Variants in TEP1 observed in about 807,000 individuals in gnomAD.
TEP1 encodes the protein telomerase protein component 1.
A neutral mutation model predicts 306.3 loss-of-function variants in TEP1; 241 were observed. The observed-to-expected ratio is 0.79, with a 90% CI of 0.71 to 0.88. The LOEUF is 0.88. TEP1 is among the 40% of genes least tolerant of loss of function. The probability of loss-of-function intolerance (pLI) is 0.00; values close to 1 mark genes in which losing one functional copy is unlikely to be tolerated. For synonymous variants in TEP1, 1,289 were observed against 1,305.5 expected (o/e 0.99, Z 0.27); for missense variants, 3,051 against 3,276.1 (o/e 0.93, Z 1.68).
chr14:20,399,632 TAAAAAAAAAAAAAA>T (rs71416944), intron 9 of TEP1, among the ~76,000 whole-genome samples: 2 of 78,612 alleles, frequency 2.5e-5, no homozygotes, highest in Non-Finnish European at 4.5e-5. Context: ...CCCTGTTTCT[TAAAAAAAAAAAAAA>T]AAAAAAAAAA....
intron 1 of TEP1, among the ~76,000 whole-genome samples, chr14:20,409,327 C>T (rs897229264): frequency 6.6e-6 from 1 of 152,208 alleles, no homozygotes; most frequent in African/African-American, 2.4e-5. Context: ...CATTTCTTAA[C>T]ATCAATGCTC....
In TEP1 at chr14:20,386,143, T is replaced by C. The variant is rs894421662; in HGVS notation, c.2914A>G (p.Ile972Val). Residue 972 changes from isoleucine to valine, a missense_variant, in exon 20 of 55, where the codon ATT becomes GTT. Physicochemically the swap from Ile to Val is conservative, Grantham distance 29. Coordinates refer to ENST00000262715, the MANE Select transcript of TEP1 (RefSeq NM_007110.5). ...ATGTATCCATAACGGGAGCCCAGAATCCCCACAAACAGCTGTGCGTTCTCC... is the reference window on the plus strand; with the variant it reads ...ATGTATCCATAACGGGAGCCCAGAACCCCCACAAACAGCTGTGCGTTCTCC... ...EVENAQLFVGILGSRYGYIPP... is the reference protein window; with the variant it reads ...EVENAQLFVGVLGSRYGYIPP... 3.1e-6 allele frequency: 5 copies of C among 1,613,334 alleles called. No individual in the cohort carries two copies. The highest frequency in any genetic ancestry group is 4.2e-6 in the Non-Finnish European group (5 of 1,179,758).
At chr14:20,402,396 A>T (rs1002798277) in intron 7 of TEP1, among the ~76,000 whole-genome samples, 11 of 152,212 alleles carry the variant, frequency 7.2e-5, no homozygotes, top group Admixed American at 6.5e-4. Context: ...TATTAATAGG[A>T]TGAAGAGAAA....
At chr14:20,401,397 G>A in intron 8 of TEP1, 60 bp downstream of exon 8, 1 of 1,602,918 alleles carries the variant, frequency 6.2e-7, no homozygotes, top group South Asian at 1.1e-5. Flanking sequence ...GGGGGCCACG[G>A]ATGTTGAAAA....
At position 20,382,011 on chromosome 14, in the gene TEP1, C is replaced by T. The variant is rs751812867; in HGVS notation, c.4326G>A (p.Pro1442=). 4.3e-6 allele frequency: 7 copies of T among 1,614,042 alleles called. No individual in the cohort carries two copies. The highest frequency in any genetic ancestry group is 1.3e-5 in the African/African-American group (1 of 74,914). Reference sequence around the variant, plus strand: ...CTTCTTCCCAGCTCTTAGTCCCCTTCGGTAGTGTCCGCCACACACTCAGCA... The same window carrying T: ...CTTCTTCCCAGCTCTTAGTCCCCTTTGGTAGTGTCCGCCACACACTCAGCA... ...HGVLSVWRTL[P]KGTKSWEEAV... Residue 1442 remains proline (P), a synonymous_variant, in exon 30 of 55, where the codon CCG becomes CCA. Coordinates refer to ENST00000262715, the MANE Select transcript of TEP1 (RefSeq NM_007110.5).
chr14:20,373,650 G>A, intron 45 of TEP1, 28 bp downstream of exon 45: 1 of 1,614,214 alleles, frequency 6.2e-7, no homozygotes, highest in Non-Finnish European at 8.5e-7. Context: ...AGACAGCAGG[G>A]AAGGGGAGGT....
intron 40 of TEP1, 37 bp downstream of exon 40, chr14:20,377,563 T>C (rs1885256866): frequency 6.2e-7 from 1 of 1,613,712 alleles, no homozygotes; most frequent in African/African-American, 1.3e-5. Flanking sequence ...GCGCTCTTTC[T>C]AAAGGCTCAA....
chr14:20,378,298 C>T (rs1004672209), intron 38 of TEP1, 62 bp from the exon 39 acceptor site: 36 of 1,611,714 alleles, frequency 2.2e-5, no homozygotes, highest in Non-Finnish European at 3.1e-5. Flanking sequence ...TTAAGTGACC[C>T]AGAATGCTGC....
At position 20,408,053 on chromosome 14, in the gene TEP1, C is replaced by G. The variant is rs754263215; in HGVS notation, c.387G>C (p.Gln129His). 1.9e-6 allele frequency: 3 copies of G among 1,614,060 alleles called. No individual in the cohort carries two copies. The African/African-American group carries it at 4.0e-5, about 22-fold the overall frequency. ...KSTVSASPLF[Q>H]SLQISHMTQA... Reference sequence around the variant, plus strand: ...GCGTCATGTGAGATATCTGTAGACTCTGGAACAAGGGGCTGGCAGACACAG... The same window carrying G: ...GCGTCATGTGAGATATCTGTAGACTGTGGAACAAGGGGCTGGCAGACACAG... Residue 129 changes from glutamine to histidine, a missense_variant, in exon 2 of 55, where the codon CAG becomes CAC. Gln to His is a conservative substitution (Grantham distance 24). Coordinates refer to ENST00000262715, the MANE Select transcript of TEP1 (RefSeq NM_007110.5).
intron 12 of TEP1, among the ~76,000 whole-genome samples, chr14:20,394,503 G>C (rs1468964535): frequency 1.8e-5 from 2 of 112,502 alleles, no homozygotes; most frequent in African/African-American, 7.0e-5. Flanking sequence ...TTTTGAGACA[G>C]AGTCTCACTC....
At position 20,380,257 on chromosome 14, in the gene TEP1, G is replaced by A. The variant is rs775947000; in HGVS notation, c.4981C>T (p.Arg1661Trp). 3.7e-5 allele frequency: 60 copies of A among 1,613,954 alleles called. No individual in the cohort carries two copies. Among genetic ancestry groups the A allele is most frequent in the East Asian group, 3.6e-4 (16 of 44,894 alleles). ...TACCTTTGCTGATTTTTCATGGTCC[G>A]GGGTTTATTAAGCCATCGTAGTGTG... ...QHTLRWLNKP[R>W]TMKNQQSSSL... The change falls in exon 34 of 55, where the codon CGG becomes TGG. Residue 1661 changes from arginine (R) to tryptophan (W), a missense_variant. By Grantham distance (101) the Arg-to-Trp change is moderately radical. Coordinates refer to ENST00000262715, the MANE Select transcript of TEP1 (RefSeq NM_007110.5).
intron 2 of TEP1, 112 bp from the exon 3 acceptor site, chr14:20,406,512 G>T: frequency 3.7e-6 from 4 of 1,074,770 alleles, no homozygotes; most frequent in Non-Finnish European, 5.5e-6. Context: ...TCCATTAATA[G>T]CACCTCTAAT....
intron 10 of TEP1, 128 bp downstream of exon 10, chr14:20,396,493 C>T: frequency 1.5e-6 from 1 of 661,048 alleles, no homozygotes; most frequent in African/African-American, 1.8e-5. Context: ...TTACAGCCCA[C>T]ATGGAAACAG....
chr14:20,382,263 G>A lies in TEP1; in HGVS notation c.4234C>T (p.Leu1412Phe). 6.2e-7 allele frequency: 1 copy of A among 1,614,162 alleles called. No individual in the cohort carries two copies. The highest frequency in any genetic ancestry group is 8.5e-7 in the Non-Finnish European group (1 of 1,180,030). ...TLEKEHGPDVLPQALTALEVT... is the reference protein window; with the variant it reads ...TLEKEHGPDVFPQALTALEVT... The stretch of plus-strand genomic sequence containing the variant: ...TCTAGGGCAGTCAAGGCCTGGGGAA[G>A]GACATCAGGCCCGTGCTCCTTCTCC... The change falls in exon 29 of 55, where the codon CTT (leucine) becomes TTT (phenylalanine). Residue 1412 changes from leucine (L) to phenylalanine (F), a missense_variant. By Grantham distance (22) the Leu-to-Phe change is conservative. Transcript: ENST00000262715.
rs138978001 is a variant in TEP1, at chr14:20,405,377, C to CCCACCATAA, written c.870+73_870+74insTTATGGTGG. On this transcript the variant is annotated intron_variant, in intron 4 of 54. Transcript: ENST00000262715. ...ACCCCCAACATGAAGCTAGTCACCA[C>CCCACCATAA]CCCGCCACACACCATAACCACACTC... 3.8e-6 allele frequency: 6 copies of CCCACCATAA among 1,567,356 alleles called. No individual in the cohort carries two copies. In the East Asian group the frequency reaches 6.8e-5, roughly 18 times the overall value.
intron 12 of TEP1, among the ~76,000 whole-genome samples, 180 bp from the exon 13 acceptor site, chr14:20,391,947 C>G (rs1329523675): frequency 6.6e-6 from 1 of 152,112 alleles, no homozygotes; most frequent in Non-Finnish European, 1.5e-5. Context: ...TTCCCTCTGC[C>G]CCCATCCTAT....
chr14:20,399,275 G>A (rs375327446), intron 9 of TEP1, among the ~76,000 whole-genome samples: 4 of 152,196 alleles, frequency 2.6e-5, no homozygotes, highest in East Asian at 3.9e-4. Context: ...ATCCATTGTC[G>A]ACTCAAGTTT....
chr14:20,399,340 A>C (rs1878471264), intron 9 of TEP1, among the ~76,000 whole-genome samples: 1 of 152,192 alleles, frequency 6.6e-6, no homozygotes, highest in Non-Finnish European at 1.5e-5. Context: ...GTAAGAAATT[A>C]AGTCCAATAT....
Position 20,380,024 on chromosome 14 carries a change from G to A in TEP1, c.5033C>T (p.Ser1678Phe). Residue 1678 changes from serine (S) to phenylalanine (F), a missense_variant, in exon 35 of 55, where the codon TCC becomes TTC. By Grantham distance (155) the Ser-to-Phe change is radical. Coordinates refer to ENST00000262715, the MANE Select transcript of TEP1 (RefSeq NM_007110.5). ...SSSLSLAVSS[S>F]PTAVAFSTNG... ...GGTGGAGAAGGCCACAGCAGTAGGG[G>A]ATGAGGAAACTGCCAGAGACAGGCT... is the stretch of plus-strand genomic sequence containing the variant. 4 of 1,613,974 alleles carry A rather than the reference G, an allele frequency of 2.5e-6. No homozygotes were observed. The highest frequency in any genetic ancestry group is 2.2e-5 in the East Asian group (1 of 44,888).
Sources: allele counts gnomAD v4.1 joint callset (sites outside exome capture counted in the v4.1 genomes callset), GRCh38; gene constraint gnomAD v4.1.1; transcripts MANE v1.5; gene names NCBI Gene and HGNC (gene_info 2026-07-23, HGNC 2026-07-21).